PLD1: variants seen among roughly 807,000 people sequenced by gnomAD.
The protein encoded by PLD1 is choline phosphatase 1.
Under a neutral mutation model 137.1 loss-of-function variants are expected in PLD1, and 112 were observed. The ratio of observed to expected loss-of-function variants is 0.82; its 90% CI spans 0.70 to 0.96. The LOEUF (loss-of-function observed/expected upper bound fraction) is 0.96, where lower values mean the gene tolerates loss of function less well. PLD1 is among the 40% of genes least tolerant of loss of function. PLD1 has a pLI of 0.00. For missense variants in PLD1, 1,321 were observed against 1,342.0 expected, an observed-to-expected ratio of 0.98 and a Z score of 0.24; for synonymous variants, 431 against 454.7, an observed-to-expected ratio of 0.95 and a Z score of 0.66.
chr3:171,755,975 A>G (rs1179144343), intron 1 of PLD1, among the ~76,000 whole-genome samples: 2 of 152,214 alleles, frequency 1.3e-5, no homozygotes, highest in Non-Finnish European at 2.9e-5. Flanking sequence ...ACCCAGCTGC[A>G]TAAACCAGAA....
intron 1 of PLD1, among the ~76,000 whole-genome samples, chr3:171,800,786 G>C (rs556978372): frequency 6.6e-6 from 1 of 152,284 alleles, no homozygotes; most frequent in African/African-American, 2.4e-5. Context: ...TCTGGTGAAG[G>C]CCTGCTTCCC....
At chr3:171,695,392 A>G (rs1161334996) in intron 12 of PLD1, among the ~76,000 whole-genome samples, 1 of 152,234 alleles carries the variant, frequency 6.6e-6, no homozygotes, top group Admixed American at 6.5e-5. Context: ...GATGGCCTGG[A>G]GTTGCCTATG....
chr3:171,774,197 G>C (rs182793968), intron 1 of PLD1, among the ~76,000 whole-genome samples: 62 of 152,324 alleles, frequency 4.1e-4, no homozygotes, highest in African/African-American at 1.4e-3. Flanking sequence ...TCCTGAGTGC[G>C]TACCACTTAA....
intron 23 of PLD1, among the ~76,000 whole-genome samples, chr3:171,623,312 A>ATTTTTTTTTTTT (rs760981558): frequency 2.9e-5 from 4 of 138,964 alleles, no homozygotes; most frequent in Non-Finnish European, 4.6e-5. Flanking sequence ...GCCCTATCAG[A>ATTTTTTTTTTTT]CTTTTTTTTT....
At chr3:171,685,960 A>G (rs1714509060) in intron 16 of PLD1, among the ~76,000 whole-genome samples, 1 of 152,030 alleles carries the variant, frequency 6.6e-6, no homozygotes, top group Non-Finnish European at 1.5e-5. Context: ...TTCTACTAAA[A>G]GTACAAAAAT....
rs1491270656 is a variant in PLD1, at chr3:171,764,878, A to AGGAAGGAAG, written c.-31-26797_-31-26796insCTTCCTTCC. ...AAGAAAGAAAGAAAGAAAGAAAGAA[A>AGGAAGGAAG]GAAAGAAAGAAAGAAAGGAAGGAAG... On this transcript the variant is annotated intron_variant, in intron 1 of 26. Transcript: ENST00000351298. 1.4e-3 allele frequency among the ~76,000 whole-genome samples: 29 copies of AGGAAGGAAG among 21,250 alleles called. 3 individuals are homozygous for AGGAAGGAAG. The highest frequency in any genetic ancestry group is 4.8e-3 in the African/African-American group (25 of 5,240). The allele number at this position is 21,250 out of a possible 152,430, so 13.9% of individuals were successfully genotyped here.
chr3:171,805,788 C>T (rs540384866), intron 1 of PLD1, among the ~76,000 whole-genome samples: 26 of 152,312 alleles, frequency 1.7e-4, no homozygotes, highest in African/African-American at 6.3e-4. Context: ...ACAGCAGTGT[C>T]AAAACTCTGG....
At chr3:171,629,566 G>A (rs1734471175) in intron 23 of PLD1, among the ~76,000 whole-genome samples, 3 of 152,258 alleles carry the variant, frequency 2.0e-5, no homozygotes, top group South Asian at 4.2e-4. Flanking sequence ...TCAATCCTAA[G>A]CCAAAAGAAC....
chr3:171,732,770 G>A (rs549908310), intron 6 of PLD1, among the ~76,000 whole-genome samples: 168 of 152,228 alleles, frequency 1.1e-3, no homozygotes, highest in Non-Finnish European at 2.0e-3. Context: ...CTGAATAATT[G>A]AAGGCTAAAC....
At chr3:171,633,866 C>T (rs1331428107) in intron 23 of PLD1, among the ~76,000 whole-genome samples, 1 of 152,134 alleles carries the variant, frequency 6.6e-6, no homozygotes, top group Non-Finnish European at 1.5e-5. Flanking sequence ...TTAAATTAAA[C>T]ATTAAATCTC....
rs1382320569 is a variant in PLD1 at position 171,764,927 on chromosome 3, AAGAAAG to A, written c.-31-26851_-31-26846del. Reference sequence around the variant, plus strand: ...AGGAAGGAAGGAAAGAAAGAAAGGAAAGAAAGGAAAGAAAGAAAGAAAGAAAGAAAG... The same window carrying A: ...AGGAAGGAAGGAAAGAAAGAAAGGAAGAAAGAAAGAAAGAAAGAAAGAAAG... On this transcript the variant is annotated intron_variant, in intron 1 of 26. Coordinates refer to ENST00000351298, the MANE Select transcript of PLD1 (RefSeq NM_002662.5). Among the ~76,000 whole-genome samples the A allele has an allele frequency of 2.5e-4, 4 of 16,024 alleles. 1 individual carries two copies. The highest frequency in any genetic ancestry group is 1.0e-3 in the African/African-American group (4 of 3,962). 10.5% of individuals were successfully genotyped at this position (16,024 alleles called of 152,430 possible). A position where few individuals can be genotyped will look rare whatever the true frequency, so the allele number is the denominator to read the frequency against.
intron 16 of PLD1, among the ~76,000 whole-genome samples, chr3:171,685,294 T>G (rs79642164): frequency 0.046 from 7,066 of 152,200 alleles, 527 homozygotes; most frequent in African/African-American, 0.16. Flanking sequence ...ATTTTTCAGG[T>G]TCATTAGCAC....
intron 1 of PLD1, among the ~76,000 whole-genome samples, chr3:171,745,334 G>C (rs534667190): frequency 1.3e-4 from 20 of 152,366 alleles, no homozygotes; most frequent in African/African-American, 4.6e-4. Flanking sequence ...GGCCATGGGA[G>C]CTTACTGAGG....
intron 21 of PLD1, among the ~76,000 whole-genome samples, chr3:171,658,554 G>T (rs542908181): frequency 4.1e-4 from 63 of 152,230 alleles, no homozygotes; most frequent in African/African-American, 1.4e-3. Context: ...AGTCATAAAA[G>T]ACCCCATATT....
intron 8 of PLD1, among the ~76,000 whole-genome samples, chr3:171,719,750 C>T (rs998728135): frequency 2.6e-5 from 4 of 152,158 alleles, no homozygotes; most frequent in African/African-American, 9.7e-5. Flanking sequence ...AGAGAAGTTT[C>T]TCAATAAATG....
chr3:171,626,204 C>T (rs901275711), intron 23 of PLD1, among the ~76,000 whole-genome samples: 5 of 152,006 alleles, frequency 3.3e-5, no homozygotes, highest in South Asian at 2.1e-4. Flanking sequence ...ACATGAAGAA[C>T]GCAGAAGCCT....
chr3:171,722,428 T>C lies in PLD1; in HGVS notation c.758+2268A>G, dbSNP rs1034649105. 5.8e-4 allele frequency among the ~76,000 whole-genome samples: 89 copies of C among 152,254 alleles called. 1 individual carries two copies. Among genetic ancestry groups the C allele is most frequent in the African/African-American group, 2.0e-3 (83 of 41,570 alleles). Reference sequence around the variant, plus strand: ...ATCACCACTATCTAGTTCCAAAATATCTTCATTGGCCCAAAAATAAACCCC... The same window carrying C: ...ATCACCACTATCTAGTTCCAAAATACCTTCATTGGCCCAAAAATAAACCCC... On this transcript the variant is annotated intron_variant, in intron 8 of 26. Transcript: ENST00000351298.
At chr3:171,663,604 G>A (rs557150311) in intron 19 of PLD1, among the ~76,000 whole-genome samples, 13 of 152,180 alleles carry the variant, frequency 8.5e-5, no homozygotes, top group South Asian at 2.1e-4. Context: ...GCTGTGCACA[G>A]AAGAAAGGAT....
At chr3:171,686,205 T>G (rs1324838648) in intron 16 of PLD1, among the ~76,000 whole-genome samples, 1 of 152,088 alleles carries the variant, frequency 6.6e-6, no homozygotes, top group Non-Finnish European at 1.5e-5. Context: ...CTTAGTCTTA[T>G]ATCAAAAACT....
Sources: allele counts gnomAD v4.1 joint callset (sites outside exome capture counted in the v4.1 genomes callset), GRCh38; gene constraint gnomAD v4.1.1; transcripts MANE v1.5; gene names NCBI Gene and HGNC (gene_info 2026-07-23, HGNC 2026-07-21).